Variants in CACNA1C observed in about 807,000 individuals in gnomAD.
CACNA1C encodes calcium voltage-gated channel subunit alpha1 C, also known as voltage-dependent L-type calcium channel subunit alpha-1C.
In CACNA1C, 30 loss-of-function variants were observed where a neutral mutation model predicts 229.0. That is an observed-to-expected ratio of 0.13 (90% CI 0.10 to 0.18). CACNA1C has a LOEUF of 0.18. Among genes scored for constraint, CACNA1C ranks in the 10% least tolerant of loss-of-function variants. CACNA1C has a pLI of 1.00. For synonymous variants in CACNA1C, 1,114 were observed against 1,132.5 expected (o/e 0.98, Z 0.33); for missense variants, 1,658 against 2,845.0 (o/e 0.58, Z 9.49).
chr12:2,065,356 A>G (rs2058942968), intron 1 of CACNA1C, among the ~76,000 whole-genome samples: 1 of 152,250 alleles, frequency 6.6e-6, no homozygotes, highest in Non-Finnish European at 1.5e-5. Flanking sequence ...ACTGTGAAAT[A>G]TCTCTGAAAA....
chr12:2,286,885 G>A (rs1056658429), intron 3 of CACNA1C, among the ~76,000 whole-genome samples: 1 of 152,238 alleles, frequency 6.6e-6, no homozygotes, highest in Non-Finnish European at 1.5e-5. Context: ...ACTGAAATTG[G>A]TAGTGGCCCT....
chr12:2,116,185 A>C (rs1030763189), intron 2 of CACNA1C, among the ~76,000 whole-genome samples: 1 of 152,162 alleles, frequency 6.6e-6, no homozygotes, highest in African/African-American at 2.4e-5. Flanking sequence ...AACAACGGAA[A>C]ACTCTCTGGG....
At chr12:2,451,237 G>T (rs574426387) in intron 4 of CACNA1C, among the ~76,000 whole-genome samples, 1 of 152,342 alleles carries the variant, frequency 6.6e-6, no homozygotes, top group South Asian at 2.1e-4. Flanking sequence ...CGCATGCCTT[G>T]AATGACTCAG....
chr12:2,305,098 G>A (rs926627803), intron 3 of CACNA1C, among the ~76,000 whole-genome samples: 4 of 152,198 alleles, frequency 2.6e-5, no homozygotes, highest in Non-Finnish European at 5.9e-5. Context: ...GCTCTGGGAG[G>A]CATCTGAATA....
chr12:2,313,228 T>C (rs111514994), intron 3 of CACNA1C, among the ~76,000 whole-genome samples: 25 of 152,328 alleles, frequency 1.6e-4, no homozygotes, highest in African/African-American at 5.8e-4. Flanking sequence ...AAGAGATGTA[T>C]GCTGTGATAG....
chr12:2,345,068 A>T (rs935543225), intron 3 of CACNA1C, among the ~76,000 whole-genome samples: 2 of 149,014 alleles, frequency 1.3e-5, no homozygotes, highest in Non-Finnish European at 3.0e-5. Flanking sequence ...CGTGAGCCCC[A>T]TGTCTGTGGG....
At position 2,350,263 on chromosome 12, in the gene CACNA1C, G is replaced by A. The variant is rs1303018091; in HGVS notation, c.478-98713G>A. On this transcript the variant is annotated intron_variant, in intron 3 of 46. Coordinates refer to ENST00000399655, the MANE Select transcript of CACNA1C (RefSeq NM_000719.7). ...TGGACCTTCCCCAGGGGTGGGTTGT[G>A]ATGAGATGAGTGATTATCAACACTG... Among the ~76,000 whole-genome samples the A allele has an allele frequency of 2.6e-5, 4 of 152,326 alleles. No homozygotes were observed. The East Asian group carries it at 7.7e-4, about 29-fold the overall frequency.
intron 3 of CACNA1C, among the ~76,000 whole-genome samples, chr12:2,191,701 C>A (rs1045587473): frequency 1.4e-4 from 21 of 151,712 alleles, no homozygotes; most frequent in African/African-American, 4.8e-4. Flanking sequence ...CAGGCACATG[C>A]ACACATGGTC....
chr12:2,376,886 G>T lies in CACNA1C; in HGVS notation c.478-72090G>T, dbSNP rs149442096. 1.4e-3 allele frequency among the ~76,000 whole-genome samples: 219 copies of T among 152,282 alleles called. 1 individual carries two copies. Among genetic ancestry groups the T allele is most frequent in the Middle Eastern group, 3.4e-3 (1 of 294 alleles). Reference sequence around the variant, plus strand: ...TGCCCTAAGAATGCAGAACCCCTGCGCCACACAAAGCATGCTCGCTACGCC... The same window carrying T: ...TGCCCTAAGAATGCAGAACCCCTGCTCCACACAAAGCATGCTCGCTACGCC... On this transcript the variant is annotated intron_variant, in intron 3 of 46. Transcript: ENST00000399655.
chr12:2,005,284 T>C (rs1277394785), intron 1 of CACNA1C, among the ~76,000 whole-genome samples: 1 of 152,150 alleles, frequency 6.6e-6, no homozygotes, highest in Non-Finnish European at 1.5e-5. Flanking sequence ...AAATAGGAAA[T>C]AGGCATAAAG....
At chr12:1,988,114 G>A (rs970343810) in intron 1 of CACNA1C, among the ~76,000 whole-genome samples, 1 of 152,140 alleles carries the variant, frequency 6.6e-6, no homozygotes. Context: ...TTGTATATCA[G>A]TCACAATAGG....
intron 34 of CACNA1C, among the ~76,000 whole-genome samples, chr12:2,664,610 G>C (rs1325071223): frequency 1.3e-5 from 2 of 152,174 alleles, no homozygotes; most frequent in East Asian, 1.9e-4. Flanking sequence ...TTTCGGAAAA[G>C]GTGCAATTTG....
chr12:2,513,833 G>C (rs1252153922), intron 9 of CACNA1C, among the ~76,000 whole-genome samples: 1 of 152,152 alleles, frequency 6.6e-6, no homozygotes, highest in Non-Finnish European at 1.5e-5. Flanking sequence ...ATGGGGCCCA[G>C]GAATCTCTGT....
intron 3 of CACNA1C, among the ~76,000 whole-genome samples, chr12:2,356,960 T>A: frequency 6.6e-6 from 1 of 152,216 alleles, no homozygotes; most frequent in East Asian, 1.9e-4. Flanking sequence ...TCTAGAGTGC[T>A]GCAGCATCCT....
chr12:2,383,708 C>T (rs1409597190), intron 3 of CACNA1C, among the ~76,000 whole-genome samples: 2 of 152,164 alleles, frequency 1.3e-5, no homozygotes, highest in Non-Finnish European at 2.9e-5. Flanking sequence ...GAGAGCTGAA[C>T]ACTCAAACCA....
chr12:2,305,685 A>G (rs1293366251), intron 3 of CACNA1C, among the ~76,000 whole-genome samples: 1 of 152,218 alleles, frequency 6.6e-6, no homozygotes, highest in Non-Finnish European at 1.5e-5. Context: ...TGCTTAAAAA[A>G]TTTAAAAATT....
At chr12:2,555,093 C>T (rs937195742) in intron 10 of CACNA1C, among the ~76,000 whole-genome samples, 4 of 152,218 alleles carry the variant, frequency 2.6e-5, no homozygotes, top group South Asian at 2.1e-4. Flanking sequence ...AGAATGTGCC[C>T]GGATGCCACA....
chr12:2,177,636 CTT>C (rs2154275571), intron 3 of CACNA1C, among the ~76,000 whole-genome samples: 23 of 128,920 alleles, frequency 1.8e-4, no homozygotes, highest in Admixed American at 3.5e-4. Context: ...TTCTCTCTCT[CTT>C]TCTTTCTTTC....
Position 2,666,932 on chromosome 12 carries a change from C to CT in CACNA1C, c.4623+151dup, listed in dbSNP as rs2096157531. The CT allele has an allele frequency of 4.6e-6, 3 of 648,588 alleles. No homozygotes were observed. Among genetic ancestry groups the CT allele is most frequent in the Admixed American group, 4.4e-5 (2 of 45,074 alleles). 40.2% of individuals were successfully genotyped at this position (648,588 alleles called of 1,614,324 possible). A position where few individuals can be genotyped will look rare whatever the true frequency, so the allele number is the denominator to read the frequency against. The stretch of plus-strand genomic sequence containing the variant: ...CCTTCCAGCTCTAAATTCTCAGACT[C>CT]TATGAGGGAATAACAGAGTGAATGC... On this transcript the variant is annotated intron_variant, in intron 37 of 46. Transcript: ENST00000399655. This position sits in a 1 kb window ranked among gnomAD's most constrained non-coding sequence, Gnocchi z 5.3.
Sources: allele counts gnomAD v4.1 joint callset (sites outside exome capture counted in the v4.1 genomes callset), GRCh38; gene constraint gnomAD v4.1.1; non-coding constraint Gnocchi (gnomAD v3.1); transcripts MANE v1.5; gene names NCBI Gene and HGNC (gene_info 2026-07-23, HGNC 2026-07-21).